The following SLC18A2 variants were observed in gnomAD, a reference collection of about 807,000 sequenced individuals.
SLC18A2 encodes the protein synaptic vesicular amine transporter.
Under a neutral mutation model 59.2 loss-of-function variants are expected in SLC18A2, and 33 were observed. That is an observed-to-expected ratio of 0.56 (90% CI 0.42 to 0.75). The LOEUF is 0.75. Ranked by LOEUF, SLC18A2 falls within the 30% of genes least tolerant of loss-of-function variation. The pLI is 0.00. For synonymous variants in SLC18A2, 228 were observed against 253.5 expected (o/e 0.90, Z 0.95); for missense variants, 569 against 668.6 (o/e 0.85, Z 1.64).
At chr10:117,254,191 A>C (rs1169984835) in intron 5 of SLC18A2, 60 bp downstream of exon 5, 4 of 1,496,356 alleles carry the variant, frequency 2.7e-6, no homozygotes, top group Non-Finnish European at 3.7e-6. Flanking sequence ...AGCTGGACTC[A>C]TTCAGGGAAT....
At chr10:117,277,013 C>G (rs1023229832) in intron 15 of SLC18A2, 149 bp from the exon 16 acceptor site, 2 of 510,594 alleles carry the variant, frequency 3.9e-6, no homozygotes, top group Non-Finnish European at 6.9e-6. Context: ...TCTTTTAGGT[C>G]AGGCGTCTGG....
At chr10:117,271,052 A>C (rs1844420073) in intron 15 of SLC18A2, among the ~76,000 whole-genome samples, 1 of 152,236 alleles carries the variant, frequency 6.6e-6, no homozygotes, top group Non-Finnish European at 1.5e-5. Context: ...CTTTTGAAAA[A>C]GTCCAAATTA....
rs192817494 is a variant in SLC18A2 at position 117,241,850 on chromosome 10, C to T, written c.121+36C>T. 2.5e-4 allele frequency: 389 copies of T among 1,572,188 alleles called. 1 individual carries two copies. In the African/African-American group the frequency reaches 3.6e-3, roughly 15 times the overall value. ...ACAGGGCACCCCTGCCCCGGCACCC[C>T]AGCCCCAGCGCCCCTTCCCCGGCAC... On this transcript the variant is annotated intron_variant, in intron 2 of 15. Coordinates refer to ENST00000644641, the MANE Select transcript of SLC18A2 (RefSeq NM_003054.6).
intron 3 of SLC18A2, among the ~76,000 whole-genome samples, chr10:117,246,760 C>T (rs886941510): frequency 6.6e-6 from 1 of 152,044 alleles, no homozygotes; most frequent in African/African-American, 2.4e-5. Context: ...TCAAGCAATT[C>T]ACATGTCTCA....
In SLC18A2 at chr10:117,269,282, TAC is replaced by T. The variant is rs1210411395; in HGVS notation, c.1187-783_1187-782del. Among the ~76,000 whole-genome samples, 17 of 151,884 alleles carry T rather than the reference TAC, an allele frequency of 1.1e-4. No individual in the cohort carries two copies. Among genetic ancestry groups the T allele is most frequent in the African/African-American group, 3.9e-4 (16 of 41,310 alleles). The stretch of plus-strand genomic sequence containing the variant: ...AGACACATACACATGCAAACACATG[TAC>T]ACACATATATACACATACATACACA... On this transcript the variant is annotated intron_variant, in intron 13 of 15. Transcript: ENST00000644641. This position sits in a 1 kb window ranked among gnomAD's most constrained non-coding sequence, Gnocchi z 5.1.
chr10:117,243,132 G>A (rs1247127369), intron 2 of SLC18A2, among the ~76,000 whole-genome samples: 1 of 152,202 alleles, frequency 6.6e-6, no homozygotes, highest in African/African-American at 2.4e-5. Flanking sequence ...GAAGGATGAA[G>A]TGGGCCTGTT....
intron 10 of SLC18A2, among the ~76,000 whole-genome samples, 169 bp from the exon 11 acceptor site, chr10:117,266,564 C>T (rs778969442): frequency 1.1e-4 from 17 of 152,230 alleles, no homozygotes; most frequent in East Asian, 7.7e-4. Context: ...GGATAAGCCA[C>T]GTGGGTCCAG....
At chr10:117,276,253 C>T (rs1039719860) in intron 15 of SLC18A2, among the ~76,000 whole-genome samples, 16 of 152,014 alleles carry the variant, frequency 1.1e-4, no homozygotes, top group Non-Finnish European at 2.4e-4. Flanking sequence ...CGCACCACTG[C>T]ACTATGGCAT....
chr10:117,275,424 T>C (rs1211946721), intron 15 of SLC18A2, among the ~76,000 whole-genome samples: 1 of 152,172 alleles, frequency 6.6e-6, no homozygotes, highest in Non-Finnish European at 1.5e-5. Context: ...CAACATCAGA[T>C]ACATTTTAAT....
intron 10 of SLC18A2, among the ~76,000 whole-genome samples, chr10:117,266,275 A>G (rs912391867): frequency 6.6e-6 from 1 of 152,160 alleles, no homozygotes; most frequent in African/African-American, 2.4e-5. Flanking sequence ...TTACAGGAGA[A>G]AATAACTGTG....
chr10:117,248,245 G>A (rs981474962), intron 3 of SLC18A2, among the ~76,000 whole-genome samples: 6 of 152,018 alleles, frequency 3.9e-5, no homozygotes, highest in Non-Finnish European at 7.4e-5. Flanking sequence ...GATTACAGGC[G>A]TGAGCCACCA....
At chr10:117,256,712 C>T (rs1478478330) in intron 9 of SLC18A2, among the ~76,000 whole-genome samples, 3 of 152,178 alleles carry the variant, frequency 2.0e-5, no homozygotes, top group Admixed American at 6.5e-5. Flanking sequence ...CATGCAGTGA[C>T]GTCTGCAAGA....
intron 10 of SLC18A2, among the ~76,000 whole-genome samples, chr10:117,266,088 T>TAAAAAA (rs1565007672): frequency 5.0e-5 from 2 of 40,184 alleles, no homozygotes. Context: ...AGACTCCATC[T>TAAAAAA]CAAAAAAAAA....
At chr10:117,275,911 G>C (rs764407068) in intron 15 of SLC18A2, among the ~76,000 whole-genome samples, 2 of 152,050 alleles carry the variant, frequency 1.3e-5, no homozygotes, top group African/African-American at 4.8e-5. Context: ...GGGGACAGGC[G>C]GTCAGGAAAT....
intron 3 of SLC18A2, among the ~76,000 whole-genome samples, chr10:117,244,642 C>T (rs1179614083): frequency 1.3e-5 from 2 of 152,262 alleles, no homozygotes; most frequent in African/African-American, 2.4e-5. Context: ...GCAGCAGGAA[C>T]TCTACAGCCA....
chr10:117,244,788 G>A (rs990061530), intron 3 of SLC18A2, among the ~76,000 whole-genome samples: 3 of 152,348 alleles, frequency 2.0e-5, no homozygotes, highest in African/African-American at 7.2e-5. Flanking sequence ...ATACCAGGTA[G>A]GGAGTGTGGG....
rs1844398750 is a variant in SLC18A2, at chr10:117,269,450, C to A, written c.1187-621C>A. Among the ~76,000 whole-genome samples the A allele has an allele frequency of 6.6e-6, 1 of 152,158 alleles. No homozygotes were observed. The highest frequency in any genetic ancestry group is 1.5e-5 in the Non-Finnish European group (1 of 68,028). ...TACAGACATACACCCCAGCAACAAC[C>A]ACGACCAGCATTAGAATCTCGTCTC... On this transcript the variant is annotated intron_variant, in intron 13 of 15. Transcript: ENST00000644641. This position sits in a 1 kb window ranked among gnomAD's most constrained non-coding sequence, Gnocchi z 5.1.
In SLC18A2 at chr10:117,241,668, C is replaced by A; in HGVS notation, c.-15-11C>A. On this transcript the variant is annotated splice_polypyrimidine_tract_variant and intron_variant, in intron 1 of 15. Transcript: ENST00000644641. ...GCCGCCTTGGGTCCTCACCGCGCAC[C>A]GCGCCCGCAGCGGAGCCCCGGAGCC... 2 of 1,555,132 alleles carry A rather than the reference C, an allele frequency of 1.3e-6. No individual in the cohort carries two copies. Among genetic ancestry groups the A allele is most frequent in the African/African-American group, 1.4e-5 (1 of 72,400 alleles).
intron 12 of SLC18A2, 75 bp from the exon 13 acceptor site, chr10:117,267,598 A>G: frequency 1.7e-6 from 2 of 1,156,354 alleles, no homozygotes; most frequent in Non-Finnish European, 2.5e-6. Flanking sequence ...GAGAAAACAC[A>G]AGTTCAAGAC....
Sources: gnomAD v4.1 joint callset for allele counts (sites outside exome capture counted in the v4.1 genomes callset) on GRCh38, gnomAD v4.1.1 for gene constraint, Gnocchi (gnomAD v3.1) non-coding constraint, MANE v1.5 for transcripts, NCBI Gene and HGNC (gene_info 2026-07-23, HGNC 2026-07-21) for gene names.